S100A8: variants seen among roughly 807,000 people sequenced by gnomAD.
The protein encoded by S100A8 is protein S100-A8.
S100A8 carries 1 observed loss-of-function variant against 4.2 expected under a neutral mutation model. The ratio of observed to expected loss-of-function variants is 0.24; its 90% CI spans 0.08 to 1.12. S100A8 has a LOEUF of 1.12. Ranked by LOEUF, S100A8 falls within the 50% of genes most tolerant of loss-of-function variation. The probability of loss-of-function intolerance (pLI) is 0.53; values close to 1 mark genes in which losing one functional copy is unlikely to be tolerated. For synonymous variants in S100A8, 41 were observed against 44.7 expected (o/e 0.92, Z 0.33); for missense variants, 96 against 111.8 (o/e 0.86, Z 0.64).
intron 1 of S100A8, 134 bp from the exon 2 acceptor site, chr1:153,390,691 G>T: frequency 9.0e-7 from 1 of 1,114,400 alleles, no homozygotes; most frequent in South Asian, 1.5e-5. Flanking sequence ...ACCAGCAGAT[G>T]GCTATGGCTC....
chr1:153,409,604 A>G, the S100A8 span, among the ~76,000 whole-genome samples: 1 of 152,240 alleles, frequency 6.6e-6, no homozygotes, highest in African/African-American at 2.4e-5. Flanking sequence ...CCAGCTCTGC[A>G]CCAAGCAGAC....
At chr1:153,417,984 T>A in the S100A8 span, 3 of 1,541,398 alleles carry the variant, frequency 1.9e-6, no homozygotes, top group East Asian at 6.8e-5. Context: ...TTTTACTCTG[T>A]CCTCAGCCCT....
At chr1:153,417,351 A>G in the S100A8 span, 1 of 152,214 alleles carries the variant, frequency 6.6e-6, no homozygotes, top group African/African-American at 2.4e-5. Flanking sequence ...AAGAGCAGAC[A>G]TGAAGCGACT....
the S100A8 span, among the ~76,000 whole-genome samples, chr1:153,407,417 G>T: frequency 6.6e-6 from 1 of 152,186 alleles, no homozygotes; most frequent in Admixed American, 6.5e-5. Flanking sequence ...GTGAGGCTGG[G>T]GGCAGGGTGC....
At chr1:153,414,660 G>T in the S100A8 span, among the ~76,000 whole-genome samples, 6 of 152,190 alleles carry the variant, frequency 3.9e-5, no homozygotes, top group Non-Finnish European at 5.9e-5. Context: ...TTCATTGATG[G>T]CAGGAACACA....
the S100A8 span, among the ~76,000 whole-genome samples, chr1:153,407,533 C>T: frequency 1.3e-5 from 2 of 152,250 alleles, no homozygotes; most frequent in Non-Finnish European, 2.9e-5. Context: ...TAGACTCCAC[C>T]TCTGTGGGCA....
In S100A8 at chr1:153,390,129, T is replaced by C. The variant is rs776624379; in HGVS notation, c.256A>G (p.Ser86Gly). The C allele has an allele frequency of 1.9e-6, 3 of 1,613,024 alleles. No homozygotes were observed. The highest frequency in any genetic ancestry group is 2.5e-6 in the Non-Finnish European group (3 of 1,179,300). ...TACTCTTTGTGGCTTTCTTCATGGCTTTTTTTGTGGGCTGCCACGCCCATC... is the reference window on the plus strand; with the variant it reads ...TACTCTTTGTGGCTTTCTTCATGGCCTTTTTTGTGGGCTGCCACGCCCATC... ...IKMGVAAHKK[S>G]HEESHKE The change falls in exon 3 of 3, where the codon AGC becomes GGC. Residue 86 changes from serine to glycine, a missense_variant. Physicochemically the swap from Ser to Gly is moderately conservative, Grantham distance 56 (BLOSUM62 0). Transcript: ENST00000368733.
chr1:153,393,070 A>C (rs113717678), upstream of S100A8, among the ~76,000 whole-genome samples: 1 of 152,212 alleles, frequency 6.6e-6, no homozygotes, highest in African/African-American at 2.4e-5. Flanking sequence ...ACTAAGCCCC[A>C]CAGAGAGACA....
At chr1:153,418,147 G>A in the S100A8 span, 2 of 1,614,046 alleles carry the variant, frequency 1.2e-6, no homozygotes, top group Non-Finnish European at 1.7e-6. Flanking sequence ...AAATACACCG[G>A]ACGTGATGGC....
At chr1:153,419,191 A>G in the S100A8 span, 13 of 1,614,086 alleles carry the variant, frequency 8.1e-6, no homozygotes, top group South Asian at 1.3e-4. Flanking sequence ...GAGAAAAAGG[A>G]CAAGAATGAG....
upstream of S100A8, among the ~76,000 whole-genome samples, chr1:153,391,895 T>C (rs144509386): frequency 5.5e-3 from 836 of 152,214 alleles, 5 homozygotes; most frequent in African/African-American, 0.02. Flanking sequence ...TCTGAGGTAG[T>C]GGAGGGGAAG....
At chr1:153,394,828 G>C (rs1163370427), upstream of S100A8, among the ~76,000 whole-genome samples, 2 of 152,134 alleles carry the variant, frequency 1.3e-5, no homozygotes, top group African/African-American at 4.8e-5. Flanking sequence ...GAGGGAACCA[G>C]ACCAAGTTTC....
At chr1:153,399,620 T>C in the S100A8 span, among the ~76,000 whole-genome samples, 1 of 152,048 alleles carries the variant, frequency 6.6e-6, no homozygotes, top group African/African-American at 2.4e-5. Context: ...ATGCATCAGA[T>C]ACAGGGCCAG....
At chr1:153,405,916 CA>C in the S100A8 span, among the ~76,000 whole-genome samples, 1 of 152,248 alleles carries the variant, frequency 6.6e-6, no homozygotes, top group East Asian at 1.9e-4. Flanking sequence ...GTGAATGCTG[CA>C]GAACTCTCTC....
the S100A8 span, chr1:153,419,216 T>A: frequency 6.2e-7 from 1 of 1,614,156 alleles, no homozygotes; most frequent in South Asian, 1.1e-5. Flanking sequence ...AGAAGATTGA[T>A]TTTTCTGAGT....
Position 153,390,548 on chromosome 1 carries a change from C to T in S100A8, c.-13G>A. The T allele has an allele frequency of 6.2e-7, 1 of 1,613,992 alleles. No individual in the cohort carries two copies. Among genetic ancestry groups the T allele is most frequent in the Non-Finnish European group, 8.5e-7 (1 of 1,179,912 alleles). On this transcript the variant is annotated 5_prime_UTR_variant, in exon 2 of 3. Coordinates refer to ENST00000368733, the MANE Select transcript of S100A8 (RefSeq NM_002964.5). ...GCTCGGTCAACATGATGCCCACGGA[C>T]TTGCCCCACCTGAAAAACAGAACCT...
chr1:153,405,626 G>C, the S100A8 span, among the ~76,000 whole-genome samples: 3 of 152,224 alleles, frequency 2.0e-5, no homozygotes, highest in Non-Finnish European at 4.4e-5. Flanking sequence ...CTCCCGGCGA[G>C]CTAGCCATAC....
the S100A8 span, among the ~76,000 whole-genome samples, chr1:153,405,926 TC>T: frequency 6.6e-6 from 1 of 152,060 alleles, no homozygotes; most frequent in South Asian, 2.1e-4. Context: ...CAGAACTCTC[TC>T]TCTGTCTCTC....
chr1:153,395,646 C>T (rs1461542276), upstream of S100A8, among the ~76,000 whole-genome samples: 1 of 152,204 alleles, frequency 6.6e-6, no homozygotes, highest in Admixed American at 6.5e-5. Flanking sequence ...AGGGCCCTCG[C>T]CCCTTCCCCA....
Sources: gnomAD v4.1 joint callset for allele counts (sites outside exome capture counted in the v4.1 genomes callset) on GRCh38, gnomAD v4.1.1 for gene constraint, MANE v1.5 for transcripts, NCBI Gene and HGNC (gene_info 2026-07-23, HGNC 2026-07-21) for gene names.